PTPRG: variants seen among roughly 807,000 people sequenced by gnomAD.
The protein encoded by PTPRG is protein tyrosine phosphatase receptor type G, also known as receptor-type tyrosine-protein phosphatase gamma.
In PTPRG, 102 loss-of-function variants were observed where a neutral mutation model predicts 165.3. That is an observed-to-expected ratio of 0.62 (90% CI 0.53 to 0.73). PTPRG has a LOEUF of 0.73. PTPRG is among the 30% of genes least tolerant of loss of function. The probability of loss-of-function intolerance (pLI) is 0.00; values close to 1 mark genes in which losing one functional copy is unlikely to be tolerated. For synonymous variants in PTPRG, 675 were observed against 669.5 expected, an observed-to-expected ratio of 1.01 and a Z score of -0.13; for missense variants, 1,866 against 1,861.4, an observed-to-expected ratio of 1.00 and a Z score of -0.05.
chr3:62,278,384 C>G (rs1418072553), intron 26 of PTPRG, among the ~76,000 whole-genome samples: 1 of 152,028 alleles, frequency 6.6e-6, no homozygotes, highest in African/African-American at 2.4e-5. Context: ...ACTTTTCCCT[C>G]CCTTAGTCCT....
rs542306888 is a variant in PTPRG, at chr3:62,069,684, T to TCTCTCTCACACACA, written c.520-8478_520-8477insTCTCTCACACACAC. Among the ~76,000 whole-genome samples, 196 of 144,964 alleles carry TCTCTCTCACACACA rather than the reference T, an allele frequency of 1.4e-3. 2 individuals carry two copies. Among genetic ancestry groups the TCTCTCTCACACACA allele is most frequent in the South Asian group, 3.2e-3 (14 of 4,362 alleles). On this transcript the variant is annotated intron_variant, in intron 4 of 29. Coordinates refer to ENST00000474889, the MANE Select transcript of PTPRG (RefSeq NM_002841.4). ...CTCTCTCTCTCTCTCTCTCTCTCTCTCACACACAGACACACGCACACACAC... is the reference window on the plus strand; with the variant it reads ...CTCTCTCTCTCTCTCTCTCTCTCTCTCTCTCTCACACACACACACACAGACACACGCACACACAC...
In PTPRG at chr3:61,682,149, C is replaced by CA. The variant is rs35398190; in HGVS notation, c.86-66711dup. Among the ~76,000 whole-genome samples, 132 of 96,772 alleles carry CA rather than the reference C, an allele frequency of 1.4e-3. 11 individuals carry two copies. Among genetic ancestry groups the CA allele is most frequent in the African/African-American group, 5.0e-3 (122 of 24,446 alleles). The allele number at this position is 96,772 out of a possible 152,430, so 63.5% of individuals were successfully genotyped here. Reference sequence around the variant, plus strand: ...GGGCCACAGAGCAAGACTCCTGTCTCAAAAAAAAAAAAAAAAAAGTGAACT... The same window carrying CA: ...GGGCCACAGAGCAAGACTCCTGTCTCAAAAAAAAAAAAAAAAAAAGTGAACT... On this transcript the variant is annotated intron_variant, in intron 1 of 29. Transcript: ENST00000474889.
At chr3:62,216,232 A>AG (rs397702669) in intron 12 of PTPRG, among the ~76,000 whole-genome samples, 7 of 151,332 alleles carry the variant, frequency 4.6e-5, no homozygotes, top group African/African-American at 1.7e-4. Context: ...AAAAAAAAAA[A>AG]TGATAGAAAT....
intron 1 of PTPRG, among the ~76,000 whole-genome samples, chr3:61,711,540 C>A (rs1187074475): frequency 1.3e-5 from 2 of 152,154 alleles, no homozygotes; most frequent in Admixed American, 6.5e-5. Context: ...AGCTTTCTTT[C>A]ATGTTTTTTG....
chr3:62,142,852 A>G (rs907880660), intron 6 of PTPRG, among the ~76,000 whole-genome samples: 3 of 152,232 alleles, frequency 2.0e-5, no homozygotes, highest in Non-Finnish European at 4.4e-5. Context: ...GTGCTGGGGC[A>G]TGCTTGCTCT....
chr3:61,861,724 CAA>C (rs1435247071), intron 2 of PTPRG, among the ~76,000 whole-genome samples: 1 of 152,178 alleles, frequency 6.6e-6, no homozygotes, highest in Non-Finnish European at 1.5e-5. Flanking sequence ...TTAGCATATT[CAA>C]TCAATGCAGA....
rs923780031 is a variant in PTPRG at position 62,074,211 on chromosome 3, G to GTGTGTGTGTA, written c.520-3951_520-3950insGTGTGTGTAT. On this transcript the variant is annotated intron_variant, in intron 4 of 29. Coordinates refer to ENST00000474889, the MANE Select transcript of PTPRG (RefSeq NM_002841.4). ...TGTGTGTGTGTGTGTGTGTGTGTGT[G>GTGTGTGTGTA]TATACAGAGAGAGCGCAAAAGAGGT... Among the ~76,000 whole-genome samples the GTGTGTGTGTA allele has an allele frequency of 5.5e-4, 83 of 150,922 alleles. No individual in the cohort carries two copies. The South Asian group carries it at 5.9e-3, about 11-fold the overall frequency.
intron 2 of PTPRG, among the ~76,000 whole-genome samples, chr3:61,774,893 C>G (rs1412542668): frequency 6.6e-6 from 1 of 152,246 alleles, no homozygotes. Flanking sequence ...TGTGTTTGAC[C>G]TTTTCCCAAA....
intron 5 of PTPRG, among the ~76,000 whole-genome samples, chr3:62,123,808 C>G (rs1703173201): frequency 3.9e-5 from 6 of 151,994 alleles, no homozygotes; most frequent in Admixed American, 3.9e-4. Flanking sequence ...TAATTTCTGA[C>G]CAAAAGACTT....
chr3:61,899,434 T>C (rs1350565872), intron 2 of PTPRG, among the ~76,000 whole-genome samples: 1 of 152,160 alleles, frequency 6.6e-6, no homozygotes, highest in Non-Finnish European at 1.5e-5. Flanking sequence ...ACAGTTGTGT[T>C]TGAGAGTGAA....
intron 1 of PTPRG, among the ~76,000 whole-genome samples, chr3:61,631,589 T>TCCC (rs997785409): frequency 6.6e-6 from 1 of 152,192 alleles, no homozygotes; most frequent in African/African-American, 2.4e-5. Context: ...TCAGAATGTA[T>TCCC]CCCCCTCAGA....
chr3:62,111,893 C>T (rs1702680031), intron 5 of PTPRG, among the ~76,000 whole-genome samples: 2 of 152,120 alleles, frequency 1.3e-5, no homozygotes, highest in South Asian at 2.1e-4. Context: ...CCCTCATCTA[C>T]GTGTATGTAT....
intron 2 of PTPRG, among the ~76,000 whole-genome samples, chr3:61,779,277 CG>C (rs1470309167): frequency 2.0e-5 from 3 of 152,080 alleles, no homozygotes; most frequent in African/African-American, 7.2e-5. Flanking sequence ...GATGAATCCT[CG>C]GGGAGGAAAA....
chr3:61,596,944 GTAATT>G (rs1292246280), intron 1 of PTPRG, among the ~76,000 whole-genome samples: 5 of 152,196 alleles, frequency 3.3e-5, no homozygotes. Context: ...CTAAGACTAG[GTAATT>G]TATAGTGAAG....
chr3:62,102,381 T>C (rs1279827970), intron 5 of PTPRG, among the ~76,000 whole-genome samples: 1 of 152,134 alleles, frequency 6.6e-6, no homozygotes, highest in Non-Finnish European at 1.5e-5. Context: ...TTCAAGCAGT[T>C]CTTCTGCCTC....
chr3:62,196,333 G>A (rs1036854408), intron 10 of PTPRG, among the ~76,000 whole-genome samples: 1 of 152,078 alleles, frequency 6.6e-6, no homozygotes, highest in Non-Finnish European at 1.5e-5. Flanking sequence ...AACCTGGAAG[G>A]CGGAGGTTGC....
At chr3:61,643,924 T>C (rs1702131645) in intron 1 of PTPRG, among the ~76,000 whole-genome samples, 1 of 152,240 alleles carries the variant, frequency 6.6e-6, no homozygotes, top group South Asian at 2.1e-4. Context: ...GTTGACCATT[T>C]GCACCTTGTA....
rs150060530 is a variant in PTPRG at position 61,896,355 on chromosome 3, C to T, written c.191-93270C>T. Among the ~76,000 whole-genome samples the T allele has an allele frequency of 7.6e-3, 1,154 of 152,236 alleles. 11 individuals are homozygous for T. The highest frequency in any genetic ancestry group is 0.025 in the African/African-American group (1,057 of 41,536). On this transcript the variant is annotated intron_variant, in intron 2 of 29. Coordinates refer to ENST00000474889, the MANE Select transcript of PTPRG (RefSeq NM_002841.4). ...CTTTTCTTTCACTTGGAATAATTCT[C>T]GGGAACTCATCCATTTTGTGTATAT...
At chr3:61,671,361 C>T (rs1702981585) in intron 1 of PTPRG, among the ~76,000 whole-genome samples, 1 of 151,800 alleles carries the variant, frequency 6.6e-6, no homozygotes, top group African/African-American at 2.4e-5. Context: ...ATGCTGCCTT[C>T]AAGCATCTGT....
Sources: gnomAD v4.1 joint callset for allele counts (sites outside exome capture counted in the v4.1 genomes callset) on GRCh38, gnomAD v4.1.1 for gene constraint, MANE v1.5 for transcripts, NCBI Gene and HGNC (gene_info 2026-07-23, HGNC 2026-07-21) for gene names.